Variants in PPFIA4 observed in about 807,000 individuals in gnomAD.
PPFIA4 encodes the protein PPFI scaffold protein A4, also known as liprin-alpha-4.
Under a neutral mutation model 145.7 loss-of-function variants are expected in PPFIA4, and 98 were observed. That is an observed-to-expected ratio of 0.67 (90% CI 0.57 to 0.80). The LOEUF is 0.80. Among genes scored for constraint, PPFIA4 ranks in the 30% least tolerant of loss-of-function variants. The pLI is 0.00. For synonymous variants in PPFIA4, 628 were observed against 649.6 expected, an observed-to-expected ratio of 0.97 and a Z score of 0.51; for missense variants, 1,457 against 1,632.7, an observed-to-expected ratio of 0.89 and a Z score of 1.85.
intron 25 of PPFIA4, among the ~76,000 whole-genome samples, chr1:203,066,458 A>G (rs1427819675): frequency 6.6e-6 from 1 of 152,238 alleles, no homozygotes; most frequent in East Asian, 1.9e-4. Context: ...CTAATTCTCT[A>G]AAGATGGGAA....
intron 9 of PPFIA4, among the ~76,000 whole-genome samples, chr1:203,046,859 A>G (rs1181522191): frequency 6.6e-6 from 1 of 152,164 alleles, no homozygotes; most frequent in Non-Finnish European, 1.5e-5. Flanking sequence ...TTCTAGATCT[A>G]GGGACTGCTC....
intron 6 of PPFIA4, 75 bp downstream of exon 6, chr1:203,044,860 A>G: frequency 5.0e-6 from 6 of 1,208,354 alleles, no homozygotes; most frequent in Non-Finnish European, 7.2e-6. Context: ...GCTCTGCCTT[A>G]GTTCAGTAGA....
Position 203,056,500 on chromosome 1 carries a change from AG to A in PPFIA4, c.2234del (p.Gly745AlafsTer47). ...LGHPALSQEEGKSALEDQGSN... is the reference protein window; with the variant it reads ...LGHPALSQEEXKSALEDQGSN... ...GCCACCCAGCCCTGAGCCAGGAAGA[AG>A]GCAAGAGGTAAGTAGAGCAGACCCC... On this transcript the variant is annotated frameshift_variant, in exon 18 of 30. Coordinates refer to ENST00000295706, the MANE Select transcript of PPFIA4 (RefSeq NM_001304331.2). LOFTEE classifies it high-confidence loss of function. 6.2e-7 allele frequency: 1 copy of A among 1,613,690 alleles called. No individual in the cohort carries two copies. The highest frequency in any genetic ancestry group is 8.5e-7 in the Non-Finnish European group (1 of 1,179,746).
Position 203,048,215 on chromosome 1 carries a change from C to A in PPFIA4, c.1141-12C>A. 6.2e-7 allele frequency: 1 copy of A among 1,612,364 alleles called. No homozygotes were observed. The highest frequency in any genetic ancestry group is 8.5e-7 in the Non-Finnish European group (1 of 1,179,626). On this transcript the variant is annotated splice_polypyrimidine_tract_variant and intron_variant, in intron 9 of 29. Coordinates refer to ENST00000295706, the MANE Select transcript of PPFIA4 (RefSeq NM_001304331.2). The surrounding 1 kb of genome is among the most constrained non-coding windows in gnomAD (Gnocchi z 5.8). Reference sequence around the variant, plus strand: ...AGATCTGCGGGCTGCACCGACCCATCCCTGCCCCTAGGCTGAAGAACGGCA... The same window carrying A: ...AGATCTGCGGGCTGCACCGACCCATACCTGCCCCTAGGCTGAAGAACGGCA...
Position 203,068,414 on chromosome 1 carries a change from A to G in PPFIA4, c.3149-39A>G, listed in dbSNP as rs1661884038. The G allele has an allele frequency of 3.9e-6, 6 of 1,530,746 alleles. No homozygotes were observed. The highest frequency in any genetic ancestry group is 5.3e-6 in the Non-Finnish European group (6 of 1,127,486). 94.8% of individuals were successfully genotyped at this position (1,530,746 alleles called of 1,614,324 possible). A position where few individuals can be genotyped will look rare whatever the true frequency, so the allele number is the denominator to read the frequency against. On this transcript the variant is annotated intron_variant, in intron 26 of 29. Transcript: ENST00000295706. This position sits in a 1 kb window ranked among gnomAD's most constrained non-coding sequence, Gnocchi z 4.7. ...CCTTGGAGGGCCCTTGATGAAACGTAGTATCTCCTTCCGTCCCTTTTCTTC... is the reference window on the plus strand; with the variant it reads ...CCTTGGAGGGCCCTTGATGAAACGTGGTATCTCCTTCCGTCCCTTTTCTTC...
intron 15 of PPFIA4, among the ~76,000 whole-genome samples, chr1:203,054,318 C>G (rs1376793521): frequency 2.0e-5 from 3 of 152,146 alleles, no homozygotes; most frequent in Non-Finnish European, 4.4e-5. Context: ...TCCATCTTAC[C>G]ACAGTGCCTG....
chr1:203,038,210 G>A (rs11587072), intron 1 of PPFIA4, among the ~76,000 whole-genome samples: 9,500 of 152,242 alleles, frequency 0.062, 397 homozygotes, highest in Middle Eastern at 0.088. Context: ...AAGTGATGGG[G>A]AAAAGGTTGG....
Position 203,075,711 on chromosome 1 carries a change from G to C in PPFIA4, c.3528G>C (p.Gly1176=). 3.4e-6 allele frequency: 5 copies of C among 1,454,102 alleles called. No individual in the cohort carries two copies. The highest frequency in any genetic ancestry group is 4.5e-6 in the Non-Finnish European group (5 of 1,098,932). The allele number at this position is 1,454,102 out of a possible 1,614,324, so 90.1% of individuals were successfully genotyped here. Residue 1176 remains glycine, a synonymous_variant, in exon 29 of 30, where the codon GGG becomes GGC. Transcript: ENST00000295706. This position sits in a 1 kb window ranked among gnomAD's most constrained non-coding sequence, Gnocchi z 4.1. ...CGGGCTTCCGTGTGTCCACCCTGGG[G>C]ACCCTGCAGCCCCCACCGGCCCCGC... The part of the protein sequence containing the change: ...LPAGFRVSTL[G]TLQPPPAPPK...
intron 2 of PPFIA4, among the ~76,000 whole-genome samples, chr1:203,041,848 G>C (rs1448072162): frequency 3.3e-5 from 5 of 152,216 alleles, no homozygotes. Flanking sequence ...GTGTGACTGT[G>C]TTTGTGCATA....
chr1:203,062,674 G>A (rs1451649026), intron 24 of PPFIA4, among the ~76,000 whole-genome samples: 1 of 151,994 alleles, frequency 6.6e-6, no homozygotes. Context: ...GAGGTGATGG[G>A]TCGGGGGGGA....
At chr1:203,030,629 G>C (rs1174791821) in intron 1 of PPFIA4, among the ~76,000 whole-genome samples, 1 of 152,212 alleles carries the variant, frequency 6.6e-6, no homozygotes, top group East Asian at 1.9e-4. Flanking sequence ...CCTGGAGTAA[G>C]TGGAGCTTTC....
At chr1:203,054,666 A>G (rs1660777817) in intron 15 of PPFIA4, among the ~76,000 whole-genome samples, 1 of 139,960 alleles carries the variant, frequency 7.1e-6, no homozygotes. Context: ...ACCAGTTACA[A>G]AGAAGACACA....
chr1:203,073,069 A>C (rs1424209131), intron 28 of PPFIA4, among the ~76,000 whole-genome samples: 1 of 152,172 alleles, frequency 6.6e-6, no homozygotes, highest in African/African-American at 2.4e-5. Context: ...GAAGCTATGT[A>C]GTCCTTCAAT....
Position 203,051,703 on chromosome 1 carries a change from A to G in PPFIA4, c.1512-66A>G, listed in dbSNP as rs533023362. Reference sequence around the variant, plus strand: ...GAAGATCCCTTGACTCTTTGGGCCCACTGGGTGTGAGCTGGGGGTCTCAGT... The same window carrying G: ...GAAGATCCCTTGACTCTTTGGGCCCGCTGGGTGTGAGCTGGGGGTCTCAGT... On this transcript the variant is annotated intron_variant, in intron 13 of 29. Transcript: ENST00000295706. The G allele has an allele frequency of 1.7e-3, 2,643 of 1,545,558 alleles. 13 individuals are homozygous for G. The highest frequency in any genetic ancestry group is 8.5e-3 in the South Asian group (700 of 82,550).
chr1:203,062,396 C>T (rs761617045), intron 24 of PPFIA4, among the ~76,000 whole-genome samples: 1 of 132,500 alleles, frequency 7.5e-6, no homozygotes, highest in African/African-American at 2.9e-5. Flanking sequence ...AGGAGAATGG[C>T]GTGAACCTGG....
chr1:203,040,054 C>T (rs1659588683), intron 2 of PPFIA4, among the ~76,000 whole-genome samples: 1 of 152,214 alleles, frequency 6.6e-6, no homozygotes, highest in South Asian at 2.1e-4. Flanking sequence ...ATATTCCAGG[C>T]ATGGCGCATG....
chr1:203,049,952 A>G (rs1660381107), intron 13 of PPFIA4, among the ~76,000 whole-genome samples, 185 bp downstream of exon 13: 1 of 152,228 alleles, frequency 6.6e-6, no homozygotes, highest in Non-Finnish European at 1.5e-5. Context: ...GGGAGGGAAC[A>G]CCTGTCCTCC....
chr1:203,038,929 C>T lies in PPFIA4; in HGVS notation c.-80C>T. On this transcript the variant is annotated 5_prime_UTR_variant, in exon 2 of 30. Coordinates refer to ENST00000295706, the MANE Select transcript of PPFIA4 (RefSeq NM_001304331.2). ...GGCACTGCCCACTCTGAGACCCATGCACTGGGTTCCCCTGGAGGTGCCAAC... is the reference window on the plus strand; with the variant it reads ...GGCACTGCCCACTCTGAGACCCATGTACTGGGTTCCCCTGGAGGTGCCAAC... 1.4e-6 allele frequency: 1 copy of T among 721,350 alleles called. No individual in the cohort carries two copies. Among genetic ancestry groups the T allele is most frequent in the South Asian group, 1.8e-5 (1 of 56,378 alleles). 44.7% of individuals were successfully genotyped at this position (721,350 alleles called of 1,614,324 possible).
chr1:203,041,080 C>T (rs1659665622), intron 2 of PPFIA4, among the ~76,000 whole-genome samples: 1 of 152,184 alleles, frequency 6.6e-6, no homozygotes, highest in Non-Finnish European at 1.5e-5. Flanking sequence ...CTGGACAGCT[C>T]CCAGCAAGGC....
Sources: allele counts gnomAD v4.1 joint callset (sites outside exome capture counted in the v4.1 genomes callset), GRCh38; gene constraint gnomAD v4.1.1; non-coding constraint Gnocchi (gnomAD v3.1); transcripts MANE v1.5; gene names NCBI Gene and HGNC (gene_info 2026-07-23, HGNC 2026-07-21).